Variants in PXDN observed in about 807,000 individuals in gnomAD.
PXDN encodes the protein peroxidasin homolog.
Under a neutral mutation model 140.3 loss-of-function variants are expected in PXDN, and 77 were observed. The observed-to-expected ratio is 0.55, with a 90% CI of 0.46 to 0.66. The LOEUF is 0.66. Among genes scored for constraint, PXDN ranks in the 30% least tolerant of loss-of-function variants. PXDN has a pLI of 0.00. For synonymous variants in PXDN, 911 were observed against 857.4 expected (o/e 1.06, Z -1.09); for missense variants, 1,838 against 2,039.5 (o/e 0.90, Z 1.90).
At chr2:1,741,401 G>C (rs1411799599) in intron 1 of PXDN, among the ~76,000 whole-genome samples, 2 of 152,172 alleles carry the variant, frequency 1.3e-5, no homozygotes, top group Non-Finnish European at 2.9e-5. Flanking sequence ...CCAACAGCAA[G>C]GCCAAACCGC....
intron 1 of PXDN, among the ~76,000 whole-genome samples, chr2:1,699,077 G>A (rs1462840001): frequency 6.6e-6 from 1 of 152,088 alleles, no homozygotes; most frequent in Non-Finnish European, 1.5e-5. Flanking sequence ...TCAAAGTACA[G>A]GTTTACACTC....
chr2:1,662,359 C>A (rs1416706684), intron 12 of PXDN, among the ~76,000 whole-genome samples, 175 bp from the exon 13 acceptor site: 1 of 152,240 alleles, frequency 6.6e-6, no homozygotes, highest in Non-Finnish European at 1.5e-5. Context: ...GGCAGGGGAG[C>A]CTGAAAGATC....
chr2:1,662,926 T>C (rs1162902530), intron 12 of PXDN, among the ~76,000 whole-genome samples: 1 of 152,122 alleles, frequency 6.6e-6, no homozygotes, highest in Non-Finnish European at 1.5e-5. Context: ...AAGCTCAGGG[T>C]CTGTGGCAAC....
At chr2:1,730,118 A>C (rs57349624) in intron 1 of PXDN, among the ~76,000 whole-genome samples, 37,840 of 152,212 alleles carry the variant, frequency 0.25, 5,115 homozygotes, top group East Asian at 0.61. Flanking sequence ...CTGAGAACAA[A>C]GCCCAGCTAA....
intron 17 of PXDN, among the ~76,000 whole-genome samples, chr2:1,647,039 C>T (rs892592851): frequency 4.6e-5 from 7 of 152,044 alleles, no homozygotes; most frequent in Non-Finnish European, 8.8e-5. Flanking sequence ...GGATTACAGG[C>T]GCCTGCCACC....
At chr2:1,663,474 G>T in intron 12 of PXDN, 131 bp downstream of exon 12, 1 of 1,266,986 alleles carries the variant, frequency 7.9e-7, no homozygotes, top group Non-Finnish European at 1.1e-6. Flanking sequence ...CACAATGACG[G>T]TGCACAAAAT....
At chr2:1,676,650 C>G (rs924260626) in intron 8 of PXDN, 1 of 498,284 alleles carries the variant, frequency 2.0e-6, no homozygotes. Context: ...CTCCCTCCCT[C>G]CCACCGGGAA....
intron 1 of PXDN, among the ~76,000 whole-genome samples, chr2:1,708,310 GATT>G (rs1684669615): frequency 6.6e-6 from 1 of 152,222 alleles, no homozygotes; most frequent in Admixed American, 6.5e-5. Flanking sequence ...AAAGCTCCTG[GATT>G]TAAAAGAGGT....
Position 1,648,298 on chromosome 2 carries a change from C to A in PXDN, c.3482G>T (p.Arg1161Leu). 1.2e-6 allele frequency: 2 copies of A among 1,613,904 alleles called. No homozygotes were observed. The highest frequency in any genetic ancestry group is 1.7e-6 in the Non-Finnish European group (2 of 1,179,872). Reference protein sequence around the residue: ...ALDLAAINIQRGRDHGIPPYH... With the variant: ...ALDLAAINIQLGRDHGIPPYH... ...GGGTGGGATCCCGTGGTCCCGGCCC[C>A]GCTGGATGTTGATGGCCGCCAGGTC... The change falls in exon 17 of 23, where the codon CGG becomes CTG. Residue 1161 changes from arginine to leucine, a missense_variant. Coordinates refer to ENST00000252804, the MANE Select transcript of PXDN (RefSeq NM_012293.3). This position sits in a 1 kb window ranked among gnomAD's most constrained non-coding sequence, Gnocchi z 8.9.
intron 1 of PXDN, among the ~76,000 whole-genome samples, chr2:1,716,455 A>G (rs1234482812): frequency 7.3e-6 from 1 of 136,414 alleles, no homozygotes; most frequent in Non-Finnish European, 1.5e-5. Flanking sequence ...AAAAAAAAAA[A>G]AAAAAAAAAA....
Position 1,685,292 on chromosome 2 carries a change from G to A in PXDN, c.417-1141C>T, listed in dbSNP as rs1354613574. 2.0e-5 allele frequency among the ~76,000 whole-genome samples: 3 copies of A among 152,248 alleles called. No individual in the cohort carries two copies. Among genetic ancestry groups the A allele is most frequent in the Non-Finnish European group, 4.4e-5 (3 of 68,044 alleles). On this transcript the variant is annotated intron_variant, in intron 4 of 22. Coordinates refer to ENST00000252804, the MANE Select transcript of PXDN (RefSeq NM_012293.3). The surrounding 1 kb of genome is among the most constrained non-coding windows in gnomAD (Gnocchi z 5.1). ...CTCCGCGCACGAATGGGAAACGTGAGGGAAGGAAAAACTGGAGCAGGAAGA... is the reference window on the plus strand; with the variant it reads ...CTCCGCGCACGAATGGGAAACGTGAAGGAAGGAAAAACTGGAGCAGGAAGA...
chr2:1,713,484 C>T (rs561066833), intron 1 of PXDN, among the ~76,000 whole-genome samples: 20 of 152,300 alleles, frequency 1.3e-4, no homozygotes, highest in South Asian at 6.2e-4. Flanking sequence ...CAGACTCCTG[C>T]GGGTGACTGC....
intron 12 of PXDN, among the ~76,000 whole-genome samples, chr2:1,662,960 C>A (rs1483600006): frequency 6.6e-6 from 1 of 152,210 alleles, no homozygotes; most frequent in Non-Finnish European, 1.5e-5. Flanking sequence ...CTCTGGGGGC[C>A]ACTCATGCTA....
At chr2:1,707,636 G>C (rs930938152) in intron 1 of PXDN, among the ~76,000 whole-genome samples, 12 of 152,204 alleles carry the variant, frequency 7.9e-5, no homozygotes, top group Admixed American at 7.2e-4. Flanking sequence ...CCCTGCGGAG[G>C]GGCTATCAGC....
chr2:1,664,930 G>A (rs760454674), intron 11 of PXDN, 28 bp downstream of exon 11: 2 of 1,525,400 alleles, frequency 1.3e-6, no homozygotes, highest in East Asian at 2.3e-5. Flanking sequence ...CGCGGAGGGA[G>A]CAGGCAAAGG....
chr2:1,719,893 A>G (rs1684981234), intron 1 of PXDN, among the ~76,000 whole-genome samples: 1 of 124,288 alleles, frequency 8.0e-6, no homozygotes, highest in Non-Finnish European at 1.7e-5. Context: ...AGAGGGAGGG[A>G]GATTCAGAGA....
In PXDN at chr2:1,680,277, C is replaced by T. The variant is rs1368782575; in HGVS notation, c.646G>A (p.Ala216Thr). 7.4e-6 allele frequency: 12 copies of T among 1,613,942 alleles called. No homozygotes were observed. Among genetic ancestry groups the T allele is most frequent in the Non-Finnish European group, 7.6e-6 (9 of 1,179,886 alleles). ...TATTCACAGATGGCCGCTGCCTGCG[C>T]GTTCCCCGACTCCGCGTAGGTTTTC... ...LLKTYAESGN[A>T]QAAAICEYPR... The change falls in exon 7 of 23, where the codon GCG becomes ACG. Residue 216 changes from alanine to threonine, a missense_variant. By Grantham distance (58) the Ala-to-Thr change is moderately conservative. Around this residue, in one of 5 missense-constraint regions of PXDN, gnomAD observed 208 missense variants for 325.8 expected, o/e 0.64. Transcript: ENST00000252804.
intron 1 of PXDN, among the ~76,000 whole-genome samples, chr2:1,738,219 A>G (rs899444029): frequency 6.6e-6 from 1 of 151,928 alleles, no homozygotes; most frequent in Admixed American, 6.5e-5. Flanking sequence ...TGGAACTATC[A>G]CTATTAAAAT....
At chr2:1,658,493 A>C (rs1338459716) in intron 14 of PXDN, among the ~76,000 whole-genome samples, 1 of 151,646 alleles carries the variant, frequency 6.6e-6, no homozygotes, top group Non-Finnish European at 1.5e-5. Context: ...CCCAGGGACC[A>C]GCCCCGCAGA....
Sources: allele counts gnomAD v4.1 joint callset (sites outside exome capture counted in the v4.1 genomes callset), GRCh38; gene constraint gnomAD v4.1.1; regional missense constraint gnomAD v4.1.1; non-coding constraint Gnocchi (gnomAD v3.1); transcripts MANE v1.5; gene names NCBI Gene and HGNC (gene_info 2026-07-23, HGNC 2026-07-21).